The following WWOX variants were observed in gnomAD, a reference collection of about 807,000 sequenced individuals.
The protein encoded by WWOX is WW domain-containing oxidoreductase.
WWOX carries 69 observed loss-of-function variants against 46.2 expected under a neutral mutation model. The observed-to-expected ratio is 1.49, with a 90% CI of 1.23 to 1.82. WWOX has a LOEUF of 1.82. Among genes scored for constraint, WWOX ranks in the 40% most tolerant of loss-of-function variants. The pLI is 0.00. For synonymous variants in WWOX, 359 were observed against 202.6 expected (o/e 1.77, Z -6.56); for missense variants, 919 against 542.6 (o/e 1.69, Z -6.89).
chr16:78,576,478 GT>G (rs2151581481), intron 8 of WWOX, among the ~76,000 whole-genome samples: 1 of 152,300 alleles, frequency 6.6e-6, no homozygotes, highest in East Asian at 1.9e-4. Context: ...TGAGGCTGAT[GT>G]TTTTCCATTT....
chr16:79,090,894 A>G (rs1328623693), intron 8 of WWOX, among the ~76,000 whole-genome samples: 3 of 152,150 alleles, frequency 2.0e-5, no homozygotes, highest in African/African-American at 4.8e-5. Context: ...CCTGGGTTCA[A>G]ACAATTGTCC....
intron 8 of WWOX, among the ~76,000 whole-genome samples, chr16:78,466,233 G>T (rs7205805): frequency 0.021 from 3,212 of 151,854 alleles, 126 homozygotes; most frequent in African/African-American, 0.075. Context: ...GGGTTTCATC[G>T]TGTTACCCAG....
At chr16:79,172,218 C>G (rs949270096) in intron 8 of WWOX, among the ~76,000 whole-genome samples, 2 of 152,134 alleles carry the variant, frequency 1.3e-5, no homozygotes, top group African/African-American at 2.4e-5. Context: ...GTTTTATTTC[C>G]CCACTTGGCA....
chr16:79,046,965 C>G (rs913695758), intron 8 of WWOX, among the ~76,000 whole-genome samples: 1 of 152,142 alleles, frequency 6.6e-6, no homozygotes, highest in African/African-American at 2.4e-5. Flanking sequence ...AAAGTAACCC[C>G]CAGCCTGAGC....
chr16:78,483,034 G>C (rs1200257679), intron 8 of WWOX, among the ~76,000 whole-genome samples: 1 of 152,092 alleles, frequency 6.6e-6, no homozygotes, highest in Non-Finnish European at 1.5e-5. Flanking sequence ...TACTGGAAGG[G>C]GTCCCTAGAC....
intron 8 of WWOX, among the ~76,000 whole-genome samples, chr16:78,957,500 A>G (rs115397282): frequency 6.3e-4 from 96 of 152,276 alleles, no homozygotes; most frequent in African/African-American, 2.2e-3. Context: ...GAGACACCAG[A>G]ACAGGTGTTC....
At chr16:79,028,625 G>C (rs1438101718) in intron 8 of WWOX, among the ~76,000 whole-genome samples, 1 of 151,242 alleles carries the variant, frequency 6.6e-6, no homozygotes, top group Non-Finnish European at 1.5e-5. Context: ...TCCTGAATTA[G>C]GGTATGTTTT....
chr16:78,932,995 C>T (rs1319709944), intron 8 of WWOX, among the ~76,000 whole-genome samples: 1 of 152,162 alleles, frequency 6.6e-6, no homozygotes, highest in Non-Finnish European at 1.5e-5. Context: ...CCTGTCCATA[C>T]CTTGGGAATT....
At chr16:79,125,807 G>T (rs1230321315) in intron 8 of WWOX, among the ~76,000 whole-genome samples, 1 of 152,176 alleles carries the variant, frequency 6.6e-6, no homozygotes, top group African/African-American at 2.4e-5. Context: ...AAACATTATG[G>T]TGTTGCTTTG....
chr16:79,041,567 A>G (rs1266133023), intron 8 of WWOX, among the ~76,000 whole-genome samples: 1 of 152,106 alleles, frequency 6.6e-6, no homozygotes, highest in African/African-American at 2.4e-5. Flanking sequence ...TGAGCCTATG[A>G]CGGGTGAATA....
rs545569253 is a variant in WWOX at position 78,906,008 on chromosome 16, T to C, written c.1057-305600T>C. Among the ~76,000 whole-genome samples, 4 of 152,296 alleles carry C rather than the reference T, an allele frequency of 2.6e-5. No individual in the cohort carries two copies. In the East Asian group the frequency reaches 7.7e-4, roughly 29 times the overall value. On this transcript the variant is annotated intron_variant, in intron 8 of 8. Coordinates refer to ENST00000566780, the MANE Select transcript of WWOX (RefSeq NM_016373.4). ...CACTTAGTAATATTTTGATAAGTATTTTTGGGATGAATGCAATGATGGATG... is the reference window on the plus strand; with the variant it reads ...CACTTAGTAATATTTTGATAAGTATCTTTGGGATGAATGCAATGATGGATG...
intron 5 of WWOX, among the ~76,000 whole-genome samples, chr16:78,267,361 T>A (rs1401432142): frequency 1.3e-5 from 2 of 152,258 alleles, no homozygotes; most frequent in African/African-American, 4.8e-5. Context: ...TGTTTTATAA[T>A]TAAGAAATAA....
chr16:78,881,917 G>T (rs1188181632), intron 8 of WWOX, among the ~76,000 whole-genome samples: 1 of 152,164 alleles, frequency 6.6e-6, no homozygotes, highest in Non-Finnish European at 1.5e-5. Context: ...GAGGTCAGGA[G>T]TTTGAGATAA....
intron 5 of WWOX, among the ~76,000 whole-genome samples, chr16:78,383,669 C>A (rs190426462): frequency 6.6e-6 from 1 of 152,174 alleles, no homozygotes; most frequent in Non-Finnish European, 1.5e-5. Flanking sequence ...CACACATAAA[C>A]ACATATGCAC....
At chr16:78,498,546 T>G (rs9922577) in intron 8 of WWOX, among the ~76,000 whole-genome samples, 128,520 of 151,818 alleles carry the variant, frequency 0.85, 56,750 homozygotes, top group Non-Finnish European at 0.97. Context: ...ACCGAGAAAG[T>G]GCTGCACACC....
At chr16:78,672,956 G>A (rs1374649861) in intron 8 of WWOX, among the ~76,000 whole-genome samples, 1 of 152,222 alleles carries the variant, frequency 6.6e-6, no homozygotes, top group African/African-American at 2.4e-5. Context: ...CAATCCATAA[G>A]AGGGCAAGGC....
At chr16:78,481,033 C>T (rs1308303473) in intron 8 of WWOX, among the ~76,000 whole-genome samples, 1 of 152,192 alleles carries the variant, frequency 6.6e-6, no homozygotes, top group East Asian at 1.9e-4. Context: ...AACACAATCA[C>T]AGTTTGATCA....
Position 78,188,929 on chromosome 16 carries a change from G to A in WWOX, c.516+24640G>A, listed in dbSNP as rs148272739. Among the ~76,000 whole-genome samples, 680 of 152,278 alleles carry A rather than the reference G, an allele frequency of 4.5e-3. 3 individuals carry two copies. Among genetic ancestry groups the A allele is most frequent in the African/African-American group, 0.016 (646 of 41,562 alleles). On this transcript the variant is annotated intron_variant, in intron 5 of 8. Coordinates refer to ENST00000566780, the MANE Select transcript of WWOX (RefSeq NM_016373.4). ...GATCAGACTCTGCTTTAAAGTTATT[G>A]AAGCAGGGTACAAGGAAAAGGGGAA... is the stretch of plus-strand genomic sequence containing the variant.
At chr16:78,210,128 A>T (rs940767315) in intron 5 of WWOX, among the ~76,000 whole-genome samples, 1 of 152,190 alleles carries the variant, frequency 6.6e-6, no homozygotes, top group African/African-American at 2.4e-5. Context: ...TTGTCATGTT[A>T]TGACAGAAAT....
Sources: allele counts gnomAD v4.1 joint callset (sites outside exome capture counted in the v4.1 genomes callset), GRCh38; gene constraint gnomAD v4.1.1; transcripts MANE v1.5; gene names NCBI Gene and HGNC (gene_info 2026-07-23, HGNC 2026-07-21).